Variants in DPP10 observed in about 807,000 individuals in gnomAD.
The protein encoded by DPP10 is inactive dipeptidyl peptidase 10.
Under a neutral mutation model 120.9 loss-of-function variants are expected in DPP10, and 33 were observed. The ratio of observed to expected loss-of-function variants is 0.27; its 90% CI spans 0.21 to 0.37. The LOEUF is 0.37. DPP10 is among the 10% of genes least tolerant of loss of function. The probability of loss-of-function intolerance (pLI) is 1.00; values close to 1 mark genes in which losing one functional copy is unlikely to be tolerated. For missense variants in DPP10, 816 were observed against 942.8 expected (o/e 0.87, Z 1.76); for synonymous variants, 337 against 326.1 (o/e 1.03, Z -0.36).
intron 7 of DPP10, among the ~76,000 whole-genome samples, chr2:115,710,002 C>A (rs1304112749): frequency 6.6e-6 from 1 of 151,966 alleles, no homozygotes; most frequent in African/African-American, 2.4e-5. Context: ...CTGTTGAAAA[C>A]TAAAGATAAA....
chr2:114,795,800 A>G (rs1179003575), intron 1 of DPP10, among the ~76,000 whole-genome samples: 1 of 152,206 alleles, frequency 6.6e-6, no homozygotes, highest in African/African-American at 2.4e-5. Flanking sequence ...CTATTTTATC[A>G]TTTACTAATT....
chr2:114,834,582 A>ACGCACCTATGTATATATAAGCCATG (rs1687488170), intron 1 of DPP10, among the ~76,000 whole-genome samples: 1 of 128,558 alleles, frequency 7.8e-6, no homozygotes, highest in African/African-American at 2.9e-5. Context: ...TATAAGCCAT[A>ACGCACCTATGTATATATAAGCCATG]TCTACGCACC....
intron 3 of DPP10, among the ~76,000 whole-genome samples, chr2:115,431,368 A>G (rs776565787): frequency 3.3e-5 from 5 of 152,166 alleles, no homozygotes; most frequent in Non-Finnish European, 7.4e-5. Flanking sequence ...GTTGGTGCCC[A>G]TGGGGTAAGA....
intron 1 of DPP10, among the ~76,000 whole-genome samples, chr2:114,895,872 A>G (rs1692918858): frequency 6.6e-6 from 1 of 152,146 alleles, no homozygotes; most frequent in African/African-American, 2.4e-5. Context: ...CTATTATAAA[A>G]GTTGTAGGTC....
intron 1 of DPP10, among the ~76,000 whole-genome samples, chr2:114,750,418 C>A (rs1031577245): frequency 3.9e-5 from 6 of 151,936 alleles, no homozygotes; most frequent in Admixed American, 3.9e-4. Context: ...ACTGCAAACT[C>A]TGCCTCCCAG....
rs186724622 is a variant in DPP10, at chr2:114,513,401, A to C, written c.60+70563A>C. ...CCAAGTGTGGTGGTGGGCACCTGTA[A>C]TCCCAGCTACTCAGGAGGCTGAGGC... On this transcript the variant is annotated intron_variant, in intron 1 of 25. Coordinates refer to ENST00000410059, the MANE Select transcript of DPP10 (RefSeq NM_020868.6). Among the ~76,000 whole-genome samples, 40 of 151,882 alleles carry C rather than the reference A, an allele frequency of 2.6e-4. No homozygotes were observed. The East Asian group carries it at 6.8e-3, about 26-fold the overall frequency.
chr2:114,897,364 C>G (rs1169150582), intron 1 of DPP10, among the ~76,000 whole-genome samples: 5 of 152,112 alleles, frequency 3.3e-5, no homozygotes, highest in African/African-American at 1.2e-4. Flanking sequence ...TCCATCTGGT[C>G]CTGGACGTTA....
chr2:114,851,950 A>C (rs1688974600), intron 1 of DPP10, among the ~76,000 whole-genome samples: 1 of 151,916 alleles, frequency 6.6e-6, no homozygotes, highest in Non-Finnish European at 1.5e-5. Flanking sequence ...TGATCATGCC[A>C]CTTCCTTTCA....
At chr2:115,063,471 CA>C (rs1465836338) in intron 1 of DPP10, among the ~76,000 whole-genome samples, 1 of 152,014 alleles carries the variant, frequency 6.6e-6, no homozygotes, top group Non-Finnish European at 1.5e-5. Context: ...TAACCCTAAG[CA>C]AAAAGAACAA....
intron 1 of DPP10, among the ~76,000 whole-genome samples, chr2:114,531,873 T>G (rs1309317003): frequency 1.3e-5 from 2 of 152,028 alleles, no homozygotes; most frequent in African/African-American, 4.8e-5. Flanking sequence ...TGTGAAACAC[T>G]ATTTCTGGGT....
At chr2:115,059,336 A>G (rs1573462095) in intron 1 of DPP10, among the ~76,000 whole-genome samples, 1 of 145,078 alleles carries the variant, frequency 6.9e-6, no homozygotes, top group Non-Finnish European at 1.5e-5. Context: ...TTTGATAAAC[A>G]TTACAGTAGG....
At chr2:115,603,469 G>A (rs1006165997) in intron 5 of DPP10, among the ~76,000 whole-genome samples, 4 of 151,798 alleles carry the variant, frequency 2.6e-5, no homozygotes, top group Admixed American at 2.0e-4. Context: ...GGTAAGCAAG[G>A]GTGTAAGCTC....
At chr2:115,291,666 A>G (rs1293119696) in intron 1 of DPP10, among the ~76,000 whole-genome samples, 1 of 152,144 alleles carries the variant, frequency 6.6e-6, no homozygotes, top group Non-Finnish European at 1.5e-5. Context: ...ATTTATCACT[A>G]AGAATGAAAT....
intron 1 of DPP10, among the ~76,000 whole-genome samples, chr2:115,263,887 A>AAC (rs146158432): frequency 0.045 from 6,838 of 150,494 alleles, 494 homozygotes; most frequent in African/African-American, 0.16. Context: ...AGGGATTCAA[A>AAC]ACACACACAC....
At chr2:115,715,028 C>CG (rs1417854095) in intron 7 of DPP10, among the ~76,000 whole-genome samples, 1 of 66,156 alleles carries the variant, frequency 1.5e-5, no homozygotes, top group Non-Finnish European at 2.8e-5. Context: ...GACTCTGTCT[C>CG]AAAAAAAAAA....
intron 5 of DPP10, among the ~76,000 whole-genome samples, chr2:115,551,628 C>T (rs2079879018): frequency 6.6e-6 from 1 of 152,090 alleles, no homozygotes; most frequent in South Asian, 2.1e-4. Context: ...CATGACATTC[C>T]AGTTTGATCT....
intron 5 of DPP10, among the ~76,000 whole-genome samples, chr2:115,620,690 G>T (rs1550988): frequency 0.99 from 150,408 of 152,332 alleles, 74,288 homozygotes; most frequent in East Asian, 1. Context: ...TAGTAATATC[G>T]TCTTTTACCA....
At chr2:115,759,135 T>G (rs1679785560) in intron 11 of DPP10, among the ~76,000 whole-genome samples, 1 of 152,252 alleles carries the variant, frequency 6.6e-6, no homozygotes, top group East Asian at 1.9e-4. Flanking sequence ...GAAAATATTT[T>G]GCCAAATGGG....
chr2:114,860,441 G>T (rs1441979255), intron 1 of DPP10, among the ~76,000 whole-genome samples: 1 of 152,176 alleles, frequency 6.6e-6, no homozygotes, highest in Non-Finnish European at 1.5e-5. Flanking sequence ...GCCACAGGGT[G>T]ATTGGTGCTA....
Sources: allele counts gnomAD v4.1 joint callset (sites outside exome capture counted in the v4.1 genomes callset), GRCh38; gene constraint gnomAD v4.1.1; transcripts MANE v1.5; gene names NCBI Gene and HGNC (gene_info 2026-07-23, HGNC 2026-07-21).